The following HYDIN variants were observed in gnomAD, a reference collection of about 807,000 sequenced individuals.
HYDIN encodes HYDIN axonemal central pair apparatus protein.
A neutral mutation model predicts 403.9 loss-of-function variants in HYDIN; 132 were observed. The ratio of observed to expected loss-of-function variants is 0.33; its 90% CI spans 0.28 to 0.38. The LOEUF is 0.38. HYDIN is among the 10% of genes least tolerant of loss of function. The pLI, the probability that HYDIN is intolerant of heterozygous loss-of-function variation, is 1.00. For synonymous variants in HYDIN, 1,202 were observed against 1,891.7 expected (o/e 0.64, Z 9.46); for missense variants, 2,827 against 5,009.5 (o/e 0.56, Z 13.15).
chr16:71,195,003 C>T (rs1318670822), intron 1 of HYDIN, among the ~76,000 whole-genome samples: 1 of 152,180 alleles, frequency 6.6e-6, no homozygotes, highest in Non-Finnish European at 1.5e-5. Flanking sequence ...AGAAGTCACA[C>T]ACTGTCACTT....
chr16:71,204,164 T>C (rs2088171287), intron 1 of HYDIN: 1 of 168,058 alleles, frequency 6.0e-6, no homozygotes, highest in Non-Finnish European at 1.3e-5. Context: ...TGAGTTATTT[T>C]TGCAAACATT....
intron 1 of HYDIN, among the ~76,000 whole-genome samples, chr16:71,211,624 A>G (rs1334778097): frequency 3.5e-5 from 5 of 141,806 alleles, no homozygotes; most frequent in African/African-American, 1.3e-4. Flanking sequence ...CCTGGGCGAC[A>G]GAGTGAGACT....
Position 71,056,181 on chromosome 16 carries a change from G to A in HYDIN, c.2529+4323C>T, listed in dbSNP as rs1181434816. 1.0e-4 allele frequency among the ~76,000 whole-genome samples: 8 copies of A among 79,358 alleles called. 1 individual carries two copies. Among genetic ancestry groups the A allele is most frequent in the African/African-American group, 3.6e-4 (8 of 22,250 alleles). 52.1% of individuals were successfully genotyped at this position (79,358 alleles called of 152,430 possible). A position where few individuals can be genotyped will look rare whatever the true frequency, so the allele number is the denominator to read the frequency against. On this transcript the variant is annotated intron_variant, in intron 18 of 85. Coordinates refer to ENST00000393567, the MANE Select transcript of HYDIN (RefSeq NM_001270974.2). The stretch of plus-strand genomic sequence containing the variant: ...CAAACCAGAGGTGCCTTATTTGATT[G>A]TTCCAAAGAAGTCAGCCTGCTGGGA...
At chr16:71,227,169 A>G (rs1184999658) in intron 1 of HYDIN, among the ~76,000 whole-genome samples, 1 of 151,898 alleles carries the variant, frequency 6.6e-6, no homozygotes, top group Non-Finnish European at 1.5e-5. Context: ...GTGTGTATAT[A>G]TATATATATG....
At chr16:71,020,338 G>T in intron 21 of HYDIN, 21 bp from the exon 22 acceptor site, 1 of 1,608,210 alleles carries the variant, frequency 6.2e-7, no homozygotes, top group African/African-American at 1.3e-5. Flanking sequence ...AGAAAAAGAG[G>T]AAACAAATCA....
chr16:71,021,827 T>C (rs1369497592), intron 21 of HYDIN, among the ~76,000 whole-genome samples: 1 of 152,208 alleles, frequency 6.6e-6, no homozygotes, highest in Non-Finnish European at 1.5e-5. Context: ...TACTTTGATA[T>C]GACTCTGTCT....
At chr16:71,219,342 A>G (rs1296109725) in intron 1 of HYDIN, among the ~76,000 whole-genome samples, 1 of 152,142 alleles carries the variant, frequency 6.6e-6, no homozygotes, top group Non-Finnish European at 1.5e-5. Context: ...ATGCATTGCC[A>G]GTGAAATTAC....
At chr16:70,838,442 C>T (rs1362395648) in intron 76 of HYDIN, among the ~76,000 whole-genome samples, 2 of 152,150 alleles carry the variant, frequency 1.3e-5, no homozygotes, top group East Asian at 1.9e-4. Flanking sequence ...CCACCCACCT[C>T]GACCTCCCAA....
intron 3 of HYDIN, 56 bp from the exon 4 acceptor site, chr16:71,179,103 G>A: frequency 5.5e-6 from 8 of 1,455,560 alleles, no homozygotes; most frequent in Non-Finnish European, 7.6e-6. Flanking sequence ...AAATGACTGG[G>A]GAAGATAAGA....
intron 53 of HYDIN, among the ~76,000 whole-genome samples, chr16:70,896,671 T>C (rs1242856158): frequency 6.7e-6 from 1 of 149,694 alleles, no homozygotes; most frequent in Admixed American, 6.7e-5. Context: ...TTTTTTTTTT[T>C]TTTAACTTCT....
At chr16:71,165,512 G>C (rs923833649) in intron 5 of HYDIN, among the ~76,000 whole-genome samples, 3 of 150,168 alleles carry the variant, frequency 2.0e-5, no homozygotes, top group African/African-American at 7.4e-5. Flanking sequence ...TCCCCAGTGA[G>C]TGTAGTGCAT....
chr16:71,000,838 C>A (rs1196976708), intron 23 of HYDIN, among the ~76,000 whole-genome samples: 1 of 152,126 alleles, frequency 6.6e-6, no homozygotes, highest in East Asian at 1.9e-4. Flanking sequence ...GTTCTGGGGA[C>A]ACCAGAGATG....
At position 71,217,069 on chromosome 16, in the gene HYDIN, T is replaced by A. The variant is rs557649214; in HGVS notation, c.-24+13493A>T. Among the ~76,000 whole-genome samples, 6 of 152,338 alleles carry A rather than the reference T, an allele frequency of 3.9e-5. No individual in the cohort carries two copies. The East Asian group carries it at 1.2e-3, about 29-fold the overall frequency. On this transcript the variant is annotated intron_variant, in intron 1 of 85. Transcript: ENST00000393567. ...CCTTTTGGACAGGTTCCTGTAAGTCTCCAGTTAAATGATGCTTTCTATCCA... is the reference window on the plus strand; with the variant it reads ...CCTTTTGGACAGGTTCCTGTAAGTCACCAGTTAAATGATGCTTTCTATCCA...
chr16:71,002,813 G>A (rs2079763828), intron 23 of HYDIN, among the ~76,000 whole-genome samples: 1 of 151,076 alleles, frequency 6.6e-6, no homozygotes, highest in South Asian at 2.1e-4. Context: ...AAGTAGCTGG[G>A]ATTACAGGCA....
chr16:71,093,757 A>G (rs1296116071), intron 11 of HYDIN, 60 bp downstream of exon 11: 3 of 1,576,944 alleles, frequency 1.9e-6, no homozygotes, highest in East Asian at 2.3e-5. Context: ...CATATAAGAT[A>G]AAACAAACCC....
At chr16:71,062,567 G>A (rs755696033) in intron 16 of HYDIN, 13 of 441,696 alleles carry the variant, frequency 2.9e-5, no homozygotes, top group African/African-American at 6.0e-5. Context: ...AGAATTATCC[G>A]CAACTCAAAT....
intron 10 of HYDIN, among the ~76,000 whole-genome samples, chr16:71,108,745 C>T (rs1428656079): frequency 6.6e-6 from 1 of 151,898 alleles, no homozygotes; most frequent in Non-Finnish European, 1.5e-5. Flanking sequence ...AAATACACAA[C>T]TAGAAACAAA....
chr16:71,210,524 T>G (rs2088528732), intron 1 of HYDIN, among the ~76,000 whole-genome samples: 1 of 149,814 alleles, frequency 6.7e-6, no homozygotes, highest in African/African-American at 2.5e-5. Flanking sequence ...GTGGGAGGAG[T>G]GAGAGGTTCA....
chr16:71,042,571 C>G (rs1459092254), intron 18 of HYDIN, among the ~76,000 whole-genome samples: 1 of 152,148 alleles, frequency 6.6e-6, no homozygotes, highest in Non-Finnish European at 1.5e-5. Context: ...TATGCAAACA[C>G]TAAACTCAGC....
Sources: gnomAD v4.1 joint callset for allele counts (sites outside exome capture counted in the v4.1 genomes callset) on GRCh38, gnomAD v4.1.1 for gene constraint, MANE v1.5 for transcripts, NCBI Gene and HGNC (gene_info 2026-07-23, HGNC 2026-07-21) for gene names.